The following DNAH6 variants were observed in gnomAD, a reference collection of about 807,000 sequenced individuals.
DNAH6 encodes dynein axonemal heavy chain 6.
A neutral mutation model predicts 491.4 loss-of-function variants in DNAH6; 340 were observed. The ratio of observed to expected loss-of-function variants is 0.69; its 90% confidence interval spans 0.63 to 0.76. The LOEUF (loss-of-function observed/expected upper bound fraction) is 0.76. DNAH6 is among the 30% of genes least tolerant of loss of function. DNAH6 has a pLI of 0.00. For synonymous variants in DNAH6, 1,603 were observed against 1,686.1 expected, an observed-to-expected ratio of 0.95 and a Z score of 1.21; for missense variants, 4,443 against 4,972.2, an observed-to-expected ratio of 0.89 and a Z score of 3.20.
At chr2:84,745,717 A>G (rs375528921) in intron 63 of DNAH6, among the ~76,000 whole-genome samples, 4 of 151,968 alleles carry the variant, frequency 2.6e-5, no homozygotes, top group African/African-American at 9.7e-5. Context: ...CTAGAACATA[A>G]TGTTTTATGT....
chr2:84,763,870 T>A (rs1487253800), intron 64 of DNAH6, among the ~76,000 whole-genome samples: 1 of 151,928 alleles, frequency 6.6e-6, no homozygotes, highest in African/African-American at 2.4e-5. Context: ...GCTGATGGTA[T>A]AAGTACCAGT....
intron 62 of DNAH6, among the ~76,000 whole-genome samples, chr2:84,739,934 G>A (rs1280851919): frequency 6.6e-6 from 1 of 151,958 alleles, no homozygotes; most frequent in East Asian, 1.9e-4. Context: ...GGATCCTTTG[G>A]AGGTGATGAA....
chr2:84,557,834 A>G lies in DNAH6; in HGVS notation c.1702A>G (p.Ile568Val), dbSNP rs1680218510. Residue 568 changes from isoleucine to valine, a missense_variant, in exon 11 of 77, where the codon ATT (isoleucine) becomes GTT (valine). Physicochemically the swap from Ile to Val is conservative, Grantham distance 29. Transcript: ENST00000389394. ...TTTTGATGCTTTCACCAGCCCTTAT[A>G]TTAACAACAAACTTGAAGGAAAAAC... ...SYFDAFTSPY[I>V]NNKLEGKTCG... 3.1e-6 allele frequency: 5 copies of G among 1,613,206 alleles called. No homozygotes were observed. Among genetic ancestry groups the G allele is most frequent in the Non-Finnish European group, 2.5e-6 (3 of 1,179,550 alleles).
intron 11 of DNAH6, among the ~76,000 whole-genome samples, chr2:84,570,653 C>T (rs1191155048): frequency 6.6e-6 from 1 of 152,140 alleles, no homozygotes; most frequent in African/African-American, 2.4e-5. Context: ...GTAAATGCAC[C>T]AATCAGCACT....
At chr2:84,498,533 C>G in the DNAH6 span, among the ~76,000 whole-genome samples, 1 of 151,676 alleles carries the variant, frequency 6.6e-6, no homozygotes, top group South Asian at 2.1e-4. Context: ...AGTTGGGTTT[C>G]TTTTAAAACT....
At chr2:84,719,378 C>A (rs1697865341) in intron 59 of DNAH6, among the ~76,000 whole-genome samples, 1 of 152,154 alleles carries the variant, frequency 6.6e-6, no homozygotes, top group Admixed American at 6.5e-5. Context: ...TACATGCCAA[C>A]TCTTTAAAGA....
intron 64 of DNAH6, among the ~76,000 whole-genome samples, chr2:84,772,179 A>G (rs1675689112): frequency 6.6e-6 from 1 of 152,144 alleles, no homozygotes; most frequent in Non-Finnish European, 1.5e-5. Context: ...GTAGTCCATG[A>G]CATGATCACT....
intron 73 of DNAH6, among the ~76,000 whole-genome samples, chr2:84,812,748 CT>C: frequency 6.6e-6 from 1 of 152,304 alleles, no homozygotes; most frequent in Admixed American, 6.5e-5. Flanking sequence ...TCCAGGCATC[CT>C]TGGGGTTTCA....
intron 11 of DNAH6, among the ~76,000 whole-genome samples, chr2:84,566,678 C>A (rs769266813): frequency 1.3e-5 from 2 of 151,662 alleles, no homozygotes; most frequent in Non-Finnish European, 2.9e-5. Flanking sequence ...CATAAATAGA[C>A]GTCTAAGAAT....
chr2:84,735,277 T>C (rs1475967726), intron 62 of DNAH6, among the ~76,000 whole-genome samples: 1 of 152,232 alleles, frequency 6.6e-6, no homozygotes, highest in Non-Finnish European at 1.5e-5. Flanking sequence ...ATATACCACA[T>C]TTTCTTTGTC....
At chr2:84,525,871 A>G (rs1005049969) in intron 3 of DNAH6, 133 bp downstream of exon 3, 2 of 690,470 alleles carry the variant, frequency 2.9e-6, no homozygotes, top group Middle Eastern at 4.2e-4. Context: ...TTTGGGAAAT[A>G]TAACATTTCT....
At chr2:84,509,066 T>C in the DNAH6 span, among the ~76,000 whole-genome samples, 1 of 152,202 alleles carries the variant, frequency 6.6e-6, no homozygotes, top group African/African-American at 2.4e-5. Flanking sequence ...TGGAGAGTTC[T>C]GTAGATGTCT....
At chr2:84,644,374 C>T (rs1689702716) in intron 33 of DNAH6, among the ~76,000 whole-genome samples, 2 of 152,156 alleles carry the variant, frequency 1.3e-5, no homozygotes, top group African/African-American at 2.4e-5. Flanking sequence ...TTTTCCCCTC[C>T]CCTGACAGAA....
At chr2:84,743,657 A>T (rs1310707678) in intron 62 of DNAH6, among the ~76,000 whole-genome samples, 1 of 152,112 alleles carries the variant, frequency 6.6e-6, no homozygotes, top group Non-Finnish European at 1.5e-5. Context: ...TCCCATCTCT[A>T]CTAAAATACA....
intron 68 of DNAH6, among the ~76,000 whole-genome samples, chr2:84,795,751 C>G (rs1413657552): frequency 6.6e-6 from 1 of 152,176 alleles, no homozygotes; most frequent in African/African-American, 2.4e-5. Flanking sequence ...AGTAGCTTCT[C>G]TGTGGAAAGA....
At chr2:84,674,794 TC>T (rs1369916266) in intron 40 of DNAH6, among the ~76,000 whole-genome samples, 1 of 152,040 alleles carries the variant, frequency 6.6e-6, no homozygotes, top group Non-Finnish European at 1.5e-5. Context: ...CTGCCAAACC[TC>T]CCACCAGGCC....
At chr2:84,614,975 T>C (rs1289483962) in intron 22 of DNAH6, among the ~76,000 whole-genome samples, 4 of 152,202 alleles carry the variant, frequency 2.6e-5, no homozygotes, top group South Asian at 2.1e-4. Context: ...GTGAGTTGTC[T>C]GTTTACTCTG....
chr2:84,775,292 G>A (rs1345670424), intron 64 of DNAH6, among the ~76,000 whole-genome samples: 1 of 152,078 alleles, frequency 6.6e-6, no homozygotes, highest in Non-Finnish European at 1.5e-5. Context: ...TTTTAATTCA[G>A]TTTTTGTGGT....
chr2:84,777,657 C>T lies in DNAH6; in HGVS notation c.10704-3836C>T, dbSNP rs1434567972. On this transcript the variant is annotated intron_variant, in intron 64 of 76. Coordinates refer to ENST00000389394, the MANE Select transcript of DNAH6 (RefSeq NM_001370.2). ...ACATTCACTCCACTCCATACAGGCA[C>T]ACTGGAATCTCCACGTTCCCCAAGG... 6 of 812,808 alleles carry T rather than the reference C, an allele frequency of 7.4e-6. No individual in the cohort carries two copies. In the Admixed American group the frequency reaches 1.0e-4, roughly 14 times the overall value. 50.3% of individuals were successfully genotyped at this position (812,808 alleles called of 1,614,324 possible). A position where few individuals can be genotyped will look rare whatever the true frequency, so the allele number is the denominator to read the frequency against.
Sources: allele counts gnomAD v4.1 joint callset (sites outside exome capture counted in the v4.1 genomes callset), GRCh38; gene constraint gnomAD v4.1.1; transcripts MANE v1.5; gene names NCBI Gene and HGNC (gene_info 2026-07-23, HGNC 2026-07-21).